The following ABCC2 variants were observed in gnomAD, a reference collection of about 807,000 sequenced individuals.
The protein encoded by ABCC2 is ATP-binding cassette sub-family C member 2.
A neutral mutation model predicts 173.4 loss-of-function variants in ABCC2; 157 were observed. That is an observed-to-expected ratio of 0.91 (90% CI 0.80 to 1.03). ABCC2 has a LOEUF of 1.03. ABCC2 is among the 50% of genes least tolerant of loss of function. ABCC2 has a pLI of 0.00. For synonymous variants in ABCC2, 657 were observed against 693.5 expected (o/e 0.95, Z 0.83); for missense variants, 1,822 against 1,852.3 (o/e 0.98, Z 0.30).
chr10:99,784,791 AC>A lies in ABCC2; in HGVS notation c.207+11del. The A allele has an allele frequency of 6.2e-7, 1 of 1,613,636 alleles. No homozygotes were observed. Among genetic ancestry groups the A allele is most frequent in the Non-Finnish European group, 8.5e-7 (1 of 1,179,672 alleles). ...CTATCTTGCTAAGCAGGTAAAGTTA[AC>A]ACCACTGTTTCTGAACTCTAATTCC... On this transcript the variant is annotated intron_variant, in intron 2 of 31. Transcript: ENST00000647814.
chr10:99,810,012 T>G, intron 13 of ABCC2, 122 bp from the exon 14 acceptor site: 6 of 856,262 alleles, frequency 7.0e-6, no homozygotes, highest in Non-Finnish European at 1.2e-5. Context: ...CTGAGTTCGG[T>G]GGAGATTAGG....
Position 99,832,051 on chromosome 10 carries a change from C to A in ABCC2, c.3178C>A (p.Leu1060Met). 1.9e-6 allele frequency: 3 copies of A among 1,614,238 alleles called. No individual in the cohort carries two copies. Among genetic ancestry groups the A allele is most frequent in the Non-Finnish European group, 2.5e-6 (3 of 1,180,026 alleles). Residue 1060 changes from leucine (L) to methionine (M), a missense_variant, in exon 23 of 32, where the codon CTG (leucine) becomes ATG (methionine). Physicochemically the swap from Leu to Met is conservative, Grantham distance 15. Coordinates refer to ENST00000647814, the MANE Select transcript of ABCC2 (RefSeq NM_000392.5). Reference sequence around the variant, plus strand: ...TGCATCAAATATCTTGCACAAGCAACTGCTGAACAATATCCTTCGAGCACC... The same window carrying A: ...TGCATCAAATATCTTGCACAAGCAAATGCTGAACAATATCCTTCGAGCACC... Reference protein sequence around the residue: ...VHASNILHKQLLNNILRAPMR... With the variant: ...VHASNILHKQMLNNILRAPMR...
intron 20 of ABCC2, 61 bp from the exon 21 acceptor site, chr10:99,830,655 T>C: frequency 3.1e-6 from 5 of 1,612,586 alleles, no homozygotes; most frequent in Non-Finnish European, 4.2e-6. Context: ...GACTGTGACA[T>C]CTGCTTGCAA....
At chr10:99,848,599 G>A (rs931789631) in intron 30 of ABCC2, among the ~76,000 whole-genome samples, 3 of 152,334 alleles carry the variant, frequency 2.0e-5, no homozygotes, top group South Asian at 2.1e-4. Flanking sequence ...ATCTCAGGGC[G>A]TAGACCTACT....
intron 19 of ABCC2, among the ~76,000 whole-genome samples, chr10:99,828,775 T>C (rs913168204): frequency 2.0e-5 from 3 of 152,048 alleles, no homozygotes; most frequent in Admixed American, 6.6e-5. Flanking sequence ...TGTGTGTGTG[T>C]TGTGGGTGGT....
intron 25 of ABCC2, among the ~76,000 whole-genome samples, chr10:99,839,069 G>T (rs1186447531): frequency 7.1e-6 from 1 of 140,684 alleles, no homozygotes; most frequent in Non-Finnish European, 1.6e-5. Flanking sequence ...GGACGGGGCG[G>T]CTGGCCGGGC....
chr10:99,798,952 G>T (rs2037966097), intron 7 of ABCC2, among the ~76,000 whole-genome samples: 3 of 152,162 alleles, frequency 2.0e-5, no homozygotes. Flanking sequence ...ACGCAGATGG[G>T]TCTCTCTTTT....
At chr10:99,815,533 A>T (rs956779614) in intron 16 of ABCC2, among the ~76,000 whole-genome samples, 2 of 152,068 alleles carry the variant, frequency 1.3e-5, no homozygotes, top group African/African-American at 4.8e-5. Context: ...AAATGTTTTC[A>T]TGGCATCTTC....
At position 99,816,676 on chromosome 10, in the gene ABCC2, T is replaced by C. The variant is rs564231773; in HGVS notation, c.2095-632T>C. Among the ~76,000 whole-genome samples the C allele has an allele frequency of 1.1e-3, 162 of 152,312 alleles. 1 individual carries two copies. The highest frequency in any genetic ancestry group is 3.8e-3 in the African/African-American group (156 of 41,570). ...CTCAGACTGGTACTGTTCCATGGCC[T>C]GTTGGGAACCAGGCTACACAGGAGA... On this transcript the variant is annotated intron_variant, in intron 16 of 31. Transcript: ENST00000647814.
chr10:99,795,023 A>G (rs1272159524), intron 6 of ABCC2, among the ~76,000 whole-genome samples: 1 of 152,150 alleles, frequency 6.6e-6, no homozygotes, highest in African/African-American at 2.4e-5. Flanking sequence ...GAGAAAAGAA[A>G]GGAGGCAGTA....
chr10:99,792,135 CT>C lies in ABCC2; in HGVS notation c.208-98del. On this transcript the variant is annotated intron_variant, in intron 2 of 31. Transcript: ENST00000647814. ...AATATTTATTGTGTTATCTGAATCA[CT>C]GCATACCGCTTTTCCTATCCATCAC... is the stretch of plus-strand genomic sequence containing the variant. 3 of 1,444,486 alleles carry C rather than the reference CT, an allele frequency of 2.1e-6. No individual in the cohort carries two copies. In the South Asian group the frequency reaches 3.5e-5, roughly 17 times the overall value. The allele number at this position is 1,444,486 out of a possible 1,614,324, so 89.5% of individuals were successfully genotyped here. A position where few individuals can be genotyped will look rare whatever the true frequency, so the allele number is the denominator to read the frequency against.
At position 99,799,355 on chromosome 10, in the gene ABCC2, G is replaced by A. The variant is rs766835577; in HGVS notation, c.1016G>A (p.Ser339Asn). 1.2e-6 allele frequency: 2 copies of A among 1,614,130 alleles called. No homozygotes were observed. The highest frequency in any genetic ancestry group is 1.1e-5 in the South Asian group (1 of 91,082). Residue 339 changes from serine to asparagine, a missense_variant, in exon 8 of 32, where the codon AGT becomes AAT. Ser to Asn is a conservative substitution (Grantham distance 46). Transcript: ENST00000647814. ...KLVNDIFTFV[S>N]PQLLKLLISF... Reference sequence around the variant, plus strand: ...GTGAATGACATCTTCACGTTTGTGAGTCCTCAGCTGCTGAAGTGAGTCTCC... The same window carrying A: ...GTGAATGACATCTTCACGTTTGTGAATCCTCAGCTGCTGAAGTGAGTCTCC...
At chr10:99,851,083 A>G (rs2039082637) in intron 31 of ABCC2, among the ~76,000 whole-genome samples, 2 of 152,232 alleles carry the variant, frequency 1.3e-5, no homozygotes, top group African/African-American at 4.8e-5. Context: ...TGAGAGGCAG[A>G]TGTTGACCAT....
intron 16 of ABCC2, among the ~76,000 whole-genome samples, chr10:99,814,682 C>CGTAT (rs2038358814): frequency 8.1e-6 from 1 of 123,474 alleles, no homozygotes; most frequent in African/African-American, 3.0e-5. Flanking sequence ...CATATACACA[C>CGTAT]ACGTGTATAT....
rs1137968 is a variant in ABCC2 at position 99,847,104 on chromosome 10, G to T, written c.4290G>T (p.Val1430=). The T allele has an allele frequency of 0.053, 85,977 of 1,614,056 alleles. 2,622 individuals carry two copies. The highest frequency in any genetic ancestry group is 0.13 in the Middle Eastern group (789 of 6,058). The change falls in exon 30 of 32, where the codon GTG becomes GTT. Residue 1430 remains valine (V), a synonymous_variant. Transcript: ENST00000647814. ...ASLQLGLSHE[V]TEAGGNLSIG... is the part of the protein sequence containing the mutation. The stretch of plus-strand genomic sequence containing the variant: ...TGCAACTTGGGTTATCCCACGAAGT[G>T]ACAGAGGCTGGTGGCAACCTGAGGT...
At chr10:99,828,238 C>T (rs1224139267) in intron 19 of ABCC2, among the ~76,000 whole-genome samples, 1 of 151,898 alleles carries the variant, frequency 6.6e-6, no homozygotes, top group East Asian at 1.9e-4. Context: ...CCCCGTAAGC[C>T]CTTTTTCTGG....
chr10:99,814,743 A>ATGTATATACACACACATATATGTGTG (rs1564686060), intron 16 of ABCC2, among the ~76,000 whole-genome samples: 5 of 140,248 alleles, frequency 3.6e-5, no homozygotes, highest in South Asian at 4.7e-4. Context: ...GTATGTGTAT[A>ATGTATATACACACACATATATGTGTG]TGTATGTATA....
intron 7 of ABCC2, 24 bp from the exon 8 acceptor site, chr10:99,799,183 A>G (rs763258395): frequency 4.3e-6 from 7 of 1,613,632 alleles, no homozygotes; most frequent in Middle Eastern, 1.7e-4. Flanking sequence ...CTCTGTGGAC[A>G]CTGTTGTTTG....
chr10:99,812,528 A>G (rs2038233544), intron 15 of ABCC2, among the ~76,000 whole-genome samples: 1 of 152,184 alleles, frequency 6.6e-6, no homozygotes, highest in South Asian at 2.1e-4. Flanking sequence ...CTTTCAGCAA[A>G]TGTTCCAGGT....
Sources: allele counts gnomAD v4.1 joint callset (sites outside exome capture counted in the v4.1 genomes callset), GRCh38; gene constraint gnomAD v4.1.1; transcripts MANE v1.5; gene names NCBI Gene and HGNC (gene_info 2026-07-23, HGNC 2026-07-21).